Variants in AIG1 observed in about 807,000 individuals in gnomAD.
The protein encoded by AIG1 is androgen-induced gene 1 protein.
A neutral mutation model predicts 31.4 loss-of-function variants in AIG1; 23 were observed. The observed-to-expected ratio is 0.73, with a 90% CI of 0.53 to 1.04. The LOEUF (loss-of-function observed/expected upper bound fraction) is 1.04, where lower values mean the gene tolerates loss of function less well. AIG1 is among the 50% of genes least tolerant of loss of function. The probability of loss-of-function intolerance (pLI) is 0.00; values close to 1 mark genes in which losing one functional copy is unlikely to be tolerated. For synonymous variants in AIG1, 100 were observed against 110.5 expected (o/e 0.90, Z 0.60); for missense variants, 274 against 295.0 (o/e 0.93, Z 0.52).
intron 3 of AIG1, among the ~76,000 whole-genome samples, chr6:143,207,875 A>T (rs17072309): frequency 0.015 from 2,217 of 152,270 alleles, 62 homozygotes; most frequent in African/African-American, 0.051. Flanking sequence ...TTTGCCTAAA[A>T]GGTTTGTTGC....
At chr6:143,116,037 A>C (rs77252031) in intron 1 of AIG1, among the ~76,000 whole-genome samples, 5,705 of 152,330 alleles carry the variant, frequency 0.037, 148 homozygotes, top group Middle Eastern at 0.1. Flanking sequence ...AATAAAAGGT[A>C]ATCTTTGTCC....
At chr6:143,249,322 A>G (rs1794842304) in intron 3 of AIG1, among the ~76,000 whole-genome samples, 1 of 152,334 alleles carries the variant, frequency 6.6e-6, no homozygotes, top group South Asian at 2.1e-4. Context: ...TTCCTCGACG[A>G]CGACGATATT....
intron 3 of AIG1, among the ~76,000 whole-genome samples, chr6:143,191,291 TA>T (rs1381618926): frequency 6.6e-6 from 1 of 152,080 alleles, no homozygotes; most frequent in African/African-American, 2.4e-5. Flanking sequence ...TAATTAATAT[TA>T]ATATTTAATA....
At chr6:143,087,605 G>A (rs1225395768) in intron 1 of AIG1, among the ~76,000 whole-genome samples, 1 of 152,214 alleles carries the variant, frequency 6.6e-6, no homozygotes, top group Non-Finnish European at 1.5e-5. Context: ...CGAAAGCTCA[G>A]CTCAAGCTGT....
At chr6:143,337,650 G>T (rs1777601263) in intron 5 of AIG1, among the ~76,000 whole-genome samples, 1 of 152,224 alleles carries the variant, frequency 6.6e-6, no homozygotes, top group African/African-American at 2.4e-5. Context: ...GACAGAGAAA[G>T]TAGGCAAGCG....
Position 143,292,412 on chromosome 6 carries a change from G to T in AIG1, c.515+8187G>T, listed in dbSNP as rs1044817123. On this transcript the variant is annotated intron_variant, in intron 4 of 5. Coordinates refer to ENST00000357847, the MANE Select transcript of AIG1 (RefSeq NM_016108.4). This position sits in a 1 kb window ranked among gnomAD's most constrained non-coding sequence, Gnocchi z 4.9. ...ATGACTGCCGAAGGACAGTTAGAGA[G>T]ATGCAGTGGAGAAAGGACTTGAACT... is the stretch of plus-strand genomic sequence containing the variant. 4.6e-5 allele frequency among the ~76,000 whole-genome samples: 7 copies of T among 152,186 alleles called. No homozygotes were observed. The highest frequency in any genetic ancestry group is 7.3e-5 in the Non-Finnish European group (5 of 68,040).
intron 3 of AIG1, among the ~76,000 whole-genome samples, chr6:143,195,570 A>T (rs1171222326): frequency 6.6e-6 from 1 of 152,112 alleles, no homozygotes; most frequent in African/African-American, 2.4e-5. Context: ...CACAGGCTGG[A>T]TTTAGGAAGG....
intron 2 of AIG1, among the ~76,000 whole-genome samples, chr6:143,154,529 A>G (rs905874453): frequency 2.0e-5 from 3 of 152,108 alleles, no homozygotes; most frequent in Non-Finnish European, 4.4e-5. Context: ...AAGAAAGAAA[A>G]AAAAAGTTAG....
Position 143,339,714 on chromosome 6 carries a change from A to T in AIG1, c.*38A>T. 6.2e-7 allele frequency: 1 copy of T among 1,607,346 alleles called. No individual in the cohort carries two copies. Among genetic ancestry groups the T allele is most frequent in the Non-Finnish European group, 8.5e-7 (1 of 1,175,946 alleles). ...AACGCAAGAGCTAGATTGAGCCGCC[A>T]TTGAAGACTCCTTCCCCTCGGGCAT... On this transcript the variant is annotated 3_prime_UTR_variant, in exon 6 of 6. Transcript: ENST00000357847.
chr6:143,135,986 A>G (rs9390059), intron 1 of AIG1, among the ~76,000 whole-genome samples: 4,252 of 152,236 alleles, frequency 0.028, 158 homozygotes, highest in African/African-American at 0.079. Context: ...ATGATCATCT[A>G]TCTAGCTGCA....
chr6:143,332,266 C>T (rs1361871913), intron 4 of AIG1, among the ~76,000 whole-genome samples: 1 of 152,072 alleles, frequency 6.6e-6, no homozygotes, highest in African/African-American at 2.4e-5. Flanking sequence ...ATCTTTATTC[C>T]CAATGCAATA....
chr6:143,281,196 A>G (rs1447355623), intron 3 of AIG1, among the ~76,000 whole-genome samples: 1 of 152,222 alleles, frequency 6.6e-6, no homozygotes, highest in Non-Finnish European at 1.5e-5. Context: ...CTACCTCCAG[A>G]CCTACTAGCT....
chr6:143,313,183 A>G (rs1775451635), intron 4 of AIG1, among the ~76,000 whole-genome samples: 1 of 152,124 alleles, frequency 6.6e-6, no homozygotes, highest in South Asian at 2.1e-4. Context: ...CTACCATATG[A>G]TCCAGGAATC....
chr6:143,074,203 C>T (rs904821074), intron 1 of AIG1, among the ~76,000 whole-genome samples: 2 of 152,136 alleles, frequency 1.3e-5, no homozygotes, highest in Non-Finnish European at 2.9e-5. Context: ...CATTTGATTT[C>T]ATTGTTTCCT....
intron 4 of AIG1, among the ~76,000 whole-genome samples, chr6:143,321,672 G>A (rs1471406290): frequency 1.3e-5 from 2 of 152,168 alleles, no homozygotes; most frequent in African/African-American, 4.8e-5. Context: ...GGGCAGAACA[G>A]GGCATGAAGA....
intron 3 of AIG1, among the ~76,000 whole-genome samples, chr6:143,245,207 A>G (rs1583610868): frequency 6.7e-6 from 1 of 149,440 alleles, no homozygotes; most frequent in Admixed American, 7.3e-5. Context: ...ACTTTCTCTC[A>G]CATACATTAT....
chr6:143,343,368 A>T, downstream of AIG1: 1 of 574,210 alleles, frequency 1.7e-6, no homozygotes, highest in Non-Finnish European at 3.5e-6. Context: ...CCCAAACAAG[A>T]GGTGGCTCTA....
At position 143,235,476 on chromosome 6, in the gene AIG1, T is replaced by C. The variant is rs1476828583; in HGVS notation, c.400-48634T>C. On this transcript the variant is annotated intron_variant, in intron 3 of 5. Coordinates refer to ENST00000357847, the MANE Select transcript of AIG1 (RefSeq NM_016108.4). ...ACATATCTACAGGACTTTTCTGACC[T>C]GAAGCTAAACCTGTGCATGAGAAGG... Among the ~76,000 whole-genome samples, 5 of 152,118 alleles carry C rather than the reference T, an allele frequency of 3.3e-5. No individual in the cohort carries two copies. The East Asian group carries it at 9.7e-4, about 29-fold the overall frequency.
At chr6:143,239,451 G>A (rs1211813172) in intron 3 of AIG1, among the ~76,000 whole-genome samples, 1 of 152,182 alleles carries the variant, frequency 6.6e-6, no homozygotes, top group Admixed American at 6.5e-5. Flanking sequence ...TCAGAACGAG[G>A]AGATGGTGGA....
Sources: allele counts gnomAD v4.1 joint callset (sites outside exome capture counted in the v4.1 genomes callset), GRCh38; gene constraint gnomAD v4.1.1; non-coding constraint Gnocchi (gnomAD v3.1); transcripts MANE v1.5; gene names NCBI Gene and HGNC (gene_info 2026-07-23, HGNC 2026-07-21).